The following RGS9 variants were observed in gnomAD, a reference collection of about 807,000 sequenced individuals.
RGS9 encodes regulator of G-protein signalling 9.
RGS9 carries 78 observed loss-of-function variants against 102.0 expected under a neutral mutation model. The observed-to-expected ratio is 0.76, with a 90% CI of 0.64 to 0.92. The LOEUF (loss-of-function observed/expected upper bound fraction) is 0.92. RGS9 is among the 40% of genes least tolerant of loss of function. The pLI, the probability that RGS9 is intolerant of heterozygous loss-of-function variation, is 0.00. For synonymous variants in RGS9, 353 were observed against 318.6 expected (o/e 1.11, Z -1.15); for missense variants, 833 against 866.1 (o/e 0.96, Z 0.48).
intron 17 of RGS9, among the ~76,000 whole-genome samples, chr17:65,220,728 G>A (rs1913678836): frequency 1.3e-5 from 2 of 152,182 alleles, no homozygotes; most frequent in African/African-American, 4.8e-5. Flanking sequence ...ACCACATTCC[G>A]AGGACAGAAA....
At chr17:65,199,193 A>G (rs556301832) in intron 13 of RGS9, among the ~76,000 whole-genome samples, 155 of 152,346 alleles carry the variant, frequency 1.0e-3, no homozygotes, top group African/African-American at 3.7e-3. Flanking sequence ...TTAAAAGTGT[A>G]CAATTCAGGG....
intron 9 of RGS9, among the ~76,000 whole-genome samples, chr17:65,180,629 C>T (rs1210506965): frequency 6.6e-6 from 1 of 152,210 alleles, no homozygotes; most frequent in Non-Finnish European, 1.5e-5. Flanking sequence ...GGATTACAGG[C>T]ATGAACCACT....
rs1911093351 is a variant in RGS9, at chr17:65,164,294, AG to A, written c.500+1208del. ...ATCTGGGCTTTGTGCGTTGCTTAGC[AG>A]GGACAGGGATTTCCTGTGTGTATCA... On this transcript the variant is annotated intron_variant, in intron 7 of 18. Coordinates refer to ENST00000262406, the MANE Select transcript of RGS9 (RefSeq NM_003835.4). Among the ~76,000 whole-genome samples the A allele has an allele frequency of 2.0e-5, 3 of 152,314 alleles. No individual in the cohort carries two copies. In the East Asian group the frequency reaches 5.8e-4, roughly 29 times the overall value.
At chr17:65,196,733 C>A (rs1912601108) in intron 12 of RGS9, among the ~76,000 whole-genome samples, 1 of 152,192 alleles carries the variant, frequency 6.6e-6, no homozygotes, top group Non-Finnish European at 1.5e-5. Flanking sequence ...GATTGTAGCA[C>A]CCATCACCAA....
intron 17 of RGS9, among the ~76,000 whole-genome samples, chr17:65,220,368 G>C (rs1913662467): frequency 6.6e-6 from 1 of 152,212 alleles, no homozygotes; most frequent in African/African-American, 2.4e-5. Context: ...TCTGTCTGCA[G>C]CTTCTAGGAG....
At chr17:65,191,525 G>A (rs909996890) in intron 11 of RGS9, among the ~76,000 whole-genome samples, 8 of 151,826 alleles carry the variant, frequency 5.3e-5, no homozygotes, top group Admixed American at 1.3e-4. Context: ...AGGTCGGGGC[G>A]GATCACCTGA....
At chr17:65,143,582 G>T (rs967783902) in intron 1 of RGS9, among the ~76,000 whole-genome samples, 1 of 152,106 alleles carries the variant, frequency 6.6e-6, no homozygotes, top group Non-Finnish European at 1.5e-5. Context: ...AGGTGTTCGA[G>T]ACTAGCCTGG....
At position 65,137,555 on chromosome 17, in the gene RGS9, C is replaced by T. The variant is rs554698322; in HGVS notation, c.15C>T (p.His5=). 1.9e-5 allele frequency: 30 copies of T among 1,612,540 alleles called. No individual in the cohort carries two copies. The highest frequency in any genetic ancestry group is 2.3e-5 in the Non-Finnish European group (27 of 1,180,006). MTIR[H]QGQQYRPRMA... is the part of the protein sequence containing the mutation. Reference sequence around the variant, plus strand: ...CAGGGGCCAGGATGACAATCCGACACCAAGGCCAGCAGTACAGGCCGAGGA... The same window carrying T: ...CAGGGGCCAGGATGACAATCCGACATCAAGGCCAGCAGTACAGGCCGAGGA... The change falls in exon 1 of 19, where the codon CAC becomes CAT. Residue 5 remains histidine (H), a synonymous_variant. Transcript: ENST00000262406.
chr17:65,215,488 CGT>C (rs1491502355), intron 17 of RGS9, among the ~76,000 whole-genome samples: 5 of 114,578 alleles, frequency 4.4e-5, no homozygotes, highest in African/African-American at 3.9e-5. Context: ...ATCTTTCTTT[CGT>C]TCTTTCGTTC....
At chr17:65,169,065 C>T (rs1442189062) in intron 8 of RGS9, among the ~76,000 whole-genome samples, 1 of 152,146 alleles carries the variant, frequency 6.6e-6, no homozygotes, top group Non-Finnish European at 1.5e-5. Context: ...AATGTTCTTC[C>T]TCCTCTTCCT....
intron 18 of RGS9, chr17:65,225,723 A>AT: frequency 5.2e-6 from 3 of 581,624 alleles, no homozygotes; most frequent in Non-Finnish European, 9.1e-6. Flanking sequence ...AATCTTTTCC[A>AT]TTTTTCCAAA....
intron 9 of RGS9, among the ~76,000 whole-genome samples, chr17:65,178,823 G>A (rs1441977315): frequency 6.6e-6 from 1 of 152,132 alleles, no homozygotes; most frequent in East Asian, 1.9e-4. Context: ...CAATTCTTTG[G>A]TGAAGCTGTC....
At chr17:65,202,900 C>T (rs922370095) in intron 14 of RGS9, among the ~76,000 whole-genome samples, 12 of 152,164 alleles carry the variant, frequency 7.9e-5, no homozygotes, top group Admixed American at 2.0e-4. Context: ...TCTGCACTGG[C>T]TGCAGTGGAC....
Position 65,204,119 on chromosome 17 carries a change from G to T in RGS9, c.1065-44G>T. The T allele has an allele frequency of 1.9e-6, 3 of 1,610,892 alleles. 1 individual carries two copies. The highest frequency in any genetic ancestry group is 1.1e-5 in the South Asian group (1 of 90,844). Reference sequence around the variant, plus strand: ...AGCAGCTGTGAGCTATCCATGAATTGACTTGGTTTAGTTACTTTTGCTAAC... The same window carrying T: ...AGCAGCTGTGAGCTATCCATGAATTTACTTGGTTTAGTTACTTTTGCTAAC... On this transcript the variant is annotated intron_variant, in intron 14 of 18. Coordinates refer to ENST00000262406, the MANE Select transcript of RGS9 (RefSeq NM_003835.4).
chr17:65,178,012 A>T (rs1004389549), intron 9 of RGS9, among the ~76,000 whole-genome samples: 4 of 152,186 alleles, frequency 2.6e-5, no homozygotes, highest in African/African-American at 9.7e-5. Flanking sequence ...ACGACTGAAG[A>T]CAGACAGAGG....
rs117299101 is a variant in RGS9 at position 65,173,532 on chromosome 17, C to T, written c.583-4200C>T. On this transcript the variant is annotated intron_variant, in intron 8 of 18. Transcript: ENST00000262406. This position sits in a 1 kb window ranked among gnomAD's most constrained non-coding sequence, Gnocchi z 4.8. ...GCAAATTGCCTCTTTGGCTTACACC[C>T]AAGGGATGTTGTTTGTGGGGGGCGG... Among the ~76,000 whole-genome samples, 2,330 of 152,320 alleles carry T rather than the reference C, an allele frequency of 0.015. 35 individuals carry two copies. The highest frequency in any genetic ancestry group is 0.021 in the Non-Finnish European group (1,397 of 68,020).
At chr17:65,191,327 C>T (rs1187688342) in intron 11 of RGS9, among the ~76,000 whole-genome samples, 1 of 151,978 alleles carries the variant, frequency 6.6e-6, no homozygotes, top group Non-Finnish European at 1.5e-5. Context: ...GACCTCATTA[C>T]CGTAATTTTG....
At chr17:65,203,199 T>G (rs1267276900) in intron 14 of RGS9, among the ~76,000 whole-genome samples, 1 of 152,154 alleles carries the variant, frequency 6.6e-6, no homozygotes, top group Non-Finnish European at 1.5e-5. Context: ...TTCTTATACT[T>G]AGAGGTTCAT....
chr17:65,214,549 A>C (rs773065841), intron 17 of RGS9, among the ~76,000 whole-genome samples: 2 of 152,136 alleles, frequency 1.3e-5, no homozygotes, highest in Non-Finnish European at 2.9e-5. Flanking sequence ...GTCTCAAAGG[A>C]GAGTAGGGTG....
Sources: allele counts gnomAD v4.1 joint callset (sites outside exome capture counted in the v4.1 genomes callset), GRCh38; gene constraint gnomAD v4.1.1; non-coding constraint Gnocchi (gnomAD v3.1); transcripts MANE v1.5; gene names NCBI Gene and HGNC (gene_info 2026-07-23, HGNC 2026-07-21).